VPS41: variants seen among roughly 807,000 people sequenced by gnomAD.
VPS41 encodes vacuolar protein sorting-associated protein 41 homolog.
VPS41 carries 85 observed loss-of-function variants against 130.9 expected under a neutral mutation model. The observed-to-expected ratio is 0.65, with a 90% confidence interval of 0.55 to 0.78. The LOEUF (loss-of-function observed/expected upper bound fraction) is 0.78, where lower values mean the gene tolerates loss of function less well. VPS41 is among the 30% of genes least tolerant of loss of function. The probability of loss-of-function intolerance (pLI) is 0.00; values close to 1 mark genes in which losing one functional copy is unlikely to be tolerated. For synonymous variants in VPS41, 335 were observed against 332.9 expected (o/e 1.01, Z -0.07); for missense variants, 874 against 1,018.7 (o/e 0.86, Z 1.93).
At chr7:38,852,456 T>G (rs1048662691) in intron 4 of VPS41, among the ~76,000 whole-genome samples, 2 of 152,226 alleles carry the variant, frequency 1.3e-5, no homozygotes, top group African/African-American at 4.8e-5. Flanking sequence ...TAAATCTCCT[T>G]GGTTGTGGTC....
chr7:38,777,171 C>T (rs991341146), intron 10 of VPS41, among the ~76,000 whole-genome samples: 2 of 151,962 alleles, frequency 1.3e-5, no homozygotes, highest in Non-Finnish European at 2.9e-5. Context: ...TCGTTTTTCT[C>T]AATTGGGGCA....
intron 6 of VPS41, among the ~76,000 whole-genome samples, chr7:38,818,258 A>C (rs1785100707): frequency 1.3e-5 from 2 of 151,776 alleles, no homozygotes; most frequent in African/African-American, 4.8e-5. Context: ...ACAAAAAAAA[A>C]AAAACAGAAA....
intron 10 of VPS41, among the ~76,000 whole-genome samples, chr7:38,781,145 TAA>T (rs1239852869): frequency 1.3e-5 from 2 of 152,182 alleles, no homozygotes; most frequent in Non-Finnish European, 2.9e-5. Context: ...TACACCACGA[TAA>T]AGAGTTCAAA....
chr7:38,774,283 A>G (rs756842300), intron 11 of VPS41, 39 bp from the exon 12 acceptor site: 5 of 1,527,158 alleles, frequency 3.3e-6, no homozygotes, highest in Non-Finnish European at 4.4e-6. Context: ...TTTAAATTAC[A>G]TTTCTATATA....
chr7:38,875,796 T>A (rs769692794), intron 2 of VPS41, among the ~76,000 whole-genome samples: 2 of 152,234 alleles, frequency 1.3e-5, no homozygotes, highest in African/African-American at 4.8e-5. Flanking sequence ...GGCAATTACA[T>A]TCTTATATGA....
chr7:38,795,841 G>C lies in VPS41; in HGVS notation c.571-230C>G, dbSNP rs920192257. The stretch of plus-strand genomic sequence containing the variant: ...AAAGGAGATTTTCTTAGATGGCATG[G>C]GTGACTCAAACCCAACAGAAACATG... On this transcript the variant is annotated intron_variant, in intron 8 of 28. Coordinates refer to ENST00000310301, the MANE Select transcript of VPS41 (RefSeq NM_014396.4). Among the ~76,000 whole-genome samples, 4 of 152,154 alleles carry C rather than the reference G, an allele frequency of 2.6e-5. No individual in the cohort carries two copies. The East Asian group carries it at 7.7e-4, about 29-fold the overall frequency.
chr7:38,839,901 C>T (rs546339453), intron 4 of VPS41, among the ~76,000 whole-genome samples: 2 of 152,202 alleles, frequency 1.3e-5, no homozygotes, highest in Non-Finnish European at 2.9e-5. Flanking sequence ...ATGAAGCTCT[C>T]TTGAAAGTCT....
intron 5 of VPS41, among the ~76,000 whole-genome samples, chr7:38,827,720 C>T (rs1042720393): frequency 6.6e-6 from 1 of 152,126 alleles, no homozygotes; most frequent in Non-Finnish European, 1.5e-5. Context: ...AGCCTCTAAG[C>T]GATATTGCCT....
At position 38,765,669 on chromosome 7, in the gene VPS41, TA is replaced by T; in HGVS notation, c.1248-9del. On this transcript the variant is annotated splice_polypyrimidine_tract_variant and intron_variant, in intron 15 of 28. Coordinates refer to ENST00000310301, the MANE Select transcript of VPS41 (RefSeq NM_014396.4). ...AGAATTTTCTGGCATTTGCTGGCAG[TA>T]AAAACATCCCAGGCAGAAAGAAAGT... is the stretch of plus-strand genomic sequence containing the variant. 1.3e-6 allele frequency: 2 copies of T among 1,573,736 alleles called. No homozygotes were observed. The highest frequency in any genetic ancestry group is 3.7e-5 in the Admixed American group (2 of 54,692).
intron 10 of VPS41, among the ~76,000 whole-genome samples, chr7:38,780,320 G>T (rs746118778): frequency 6.6e-6 from 1 of 151,848 alleles, no homozygotes; most frequent in Non-Finnish European, 1.5e-5. Flanking sequence ...CAGGGAGTGC[G>T]CTATGTTCAC....
At chr7:38,803,674 G>A (rs773193232) in intron 7 of VPS41, among the ~76,000 whole-genome samples, 2 of 152,202 alleles carry the variant, frequency 1.3e-5, no homozygotes, top group African/African-American at 2.4e-5. Flanking sequence ...AAGATCATGA[G>A]CAAAATTTTA....
At chr7:38,803,026 C>T (rs1430741785) in intron 7 of VPS41, among the ~76,000 whole-genome samples, 1 of 152,202 alleles carries the variant, frequency 6.6e-6, no homozygotes, top group African/African-American at 2.4e-5. Flanking sequence ...CACATTCTGG[C>T]AGTCAGCACT....
intron 1 of VPS41, among the ~76,000 whole-genome samples, chr7:38,907,291 C>G (rs1405591632): frequency 6.6e-6 from 1 of 152,166 alleles, no homozygotes; most frequent in African/African-American, 2.4e-5. Context: ...AGATAGGAAC[C>G]TGCCTGGCTT....
In VPS41 at chr7:38,830,276, C is replaced by T; in HGVS notation, c.299G>A (p.Gly100Asp). The T allele has an allele frequency of 6.2e-7, 1 of 1,613,066 alleles. No individual in the cohort carries two copies. The highest frequency in any genetic ancestry group is 8.5e-7 in the Non-Finnish European group (1 of 1,178,984). The change falls in exon 5 of 29, where the codon GGT becomes GAT. Residue 100 changes from glycine (G) to aspartate (D), a missense_variant. By Grantham distance (94) the Gly-to-Asp change is moderately conservative. Coordinates refer to ENST00000310301, the MANE Select transcript of VPS41 (RefSeq NM_014396.4). ...ISLDESGEHM[G>D]VCSEDGKVQV... ...TACCTTGCCATCCTCTGAACACACACCCATGTGCTCTCCACTTTCATCCAA... is the reference window on the plus strand; with the variant it reads ...TACCTTGCCATCCTCTGAACACACATCCATGTGCTCTCCACTTTCATCCAA...
At chr7:38,775,510 C>A (rs1784242342) in intron 11 of VPS41, 1 of 152,056 alleles carries the variant, frequency 6.6e-6, no homozygotes, top group Admixed American at 6.6e-5. Flanking sequence ...TCAATCTTTC[C>A]TGCATTCCTC....
At chr7:38,778,392 T>C (rs113558504) in intron 10 of VPS41, among the ~76,000 whole-genome samples, 1 of 152,300 alleles carries the variant, frequency 6.6e-6, no homozygotes, top group African/African-American at 2.4e-5. Flanking sequence ...AAGCTCACAG[T>C]GCTGTGCATG....
intron 2 of VPS41, among the ~76,000 whole-genome samples, chr7:38,880,996 C>T (rs574912571): frequency 7.2e-4 from 110 of 152,250 alleles, no homozygotes; most frequent in Middle Eastern, 3.4e-3. Flanking sequence ...CTCTGAAATG[C>T]GGCCTAATGA....
chr7:38,846,646 T>C (rs1005431349), intron 4 of VPS41, among the ~76,000 whole-genome samples: 2 of 152,028 alleles, frequency 1.3e-5, no homozygotes, highest in African/African-American at 4.8e-5. Flanking sequence ...TAGCACTGCT[T>C]TGGGAAGATT....
At chr7:38,831,374 G>A in intron 4 of VPS41, 2 of 391,034 alleles carry the variant, frequency 5.1e-6, no homozygotes, top group South Asian at 4.1e-5. Flanking sequence ...ATCCTCTGCT[G>A]CACTAACACA....
Sources: allele counts gnomAD v4.1 joint callset (sites outside exome capture counted in the v4.1 genomes callset), GRCh38; gene constraint gnomAD v4.1.1; transcripts MANE v1.5; gene names NCBI Gene and HGNC (gene_info 2026-07-23, HGNC 2026-07-21).